The following PSD3 variants were observed in gnomAD, a reference collection of about 807,000 sequenced individuals.
PSD3 encodes pleckstrin and Sec7 domain containing 3, also known as PH and SEC7 domain-containing protein 3.
PSD3 carries 49 observed loss-of-function variants against 105.5 expected under a neutral mutation model. The observed-to-expected ratio is 0.46, with a 90% confidence interval of 0.37 to 0.59. The LOEUF (loss-of-function observed/expected upper bound fraction) is 0.59, where lower values mean the gene tolerates loss of function less well. Ranked by LOEUF, PSD3 falls within the 20% of genes least tolerant of loss-of-function variation. PSD3 has a pLI of 0.00. For synonymous variants in PSD3, 557 were observed against 457.8 expected (o/e 1.22, Z -2.77); for missense variants, 1,561 against 1,263.8 (o/e 1.24, Z -3.57).
At chr8:18,859,731 T>C (rs1161491729) in intron 4 of PSD3, among the ~76,000 whole-genome samples, 2 of 152,186 alleles carry the variant, frequency 1.3e-5, no homozygotes, top group Non-Finnish European at 2.9e-5. Flanking sequence ...GCTTCCAGCT[T>C]TTTGGCTGCA....
chr8:18,591,765 G>A (rs73582026), intron 12 of PSD3, among the ~76,000 whole-genome samples: 1 of 152,134 alleles, frequency 6.6e-6, no homozygotes, highest in Non-Finnish European at 1.5e-5. Context: ...CTGATTCAGG[G>A]AACTGATGGC....
intron 9 of PSD3, among the ~76,000 whole-genome samples, chr8:18,656,202 C>T (rs539095243): frequency 3.3e-5 from 5 of 152,178 alleles, no homozygotes; most frequent in East Asian, 1.9e-4. Flanking sequence ...GGATTACAGG[C>T]GTGTGCCACC....
At chr8:19,038,182 T>A (rs2129476576) in intron 1 of PSD3, among the ~76,000 whole-genome samples, 1 of 152,204 alleles carries the variant, frequency 6.6e-6, no homozygotes, top group Non-Finnish European at 1.5e-5. Flanking sequence ...AAGCTCTTAA[T>A]AAGCTGGGCT....
At chr8:18,589,381 C>T (rs1225414002) in intron 12 of PSD3, among the ~76,000 whole-genome samples, 1 of 152,138 alleles carries the variant, frequency 6.6e-6, no homozygotes, top group African/African-American at 2.4e-5. Flanking sequence ...ACTTTGTGAT[C>T]TTTGGGTTTC....
chr8:18,912,145 G>C (rs145998511), intron 2 of PSD3, among the ~76,000 whole-genome samples: 7,933 of 152,194 alleles, frequency 0.052, 213 homozygotes, highest in Admixed American at 0.082. Flanking sequence ...CATCTGAGAA[G>C]TTTTTGCCAT....
intron 2 of PSD3, among the ~76,000 whole-genome samples, chr8:18,877,908 G>T (rs1817841644): frequency 6.6e-6 from 1 of 152,162 alleles, no homozygotes; most frequent in Non-Finnish European, 1.5e-5. Flanking sequence ...GTGAAATCTG[G>T]AAGTGTGAGT....
chr8:18,841,015 T>C (rs1205215382), intron 4 of PSD3, among the ~76,000 whole-genome samples: 1 of 152,222 alleles, frequency 6.6e-6, no homozygotes, highest in African/African-American at 2.4e-5. Flanking sequence ...GTTATTAGAA[T>C]ATCATGCTCT....
chr8:19,013,526 G>A (rs1389179904), intron 1 of PSD3, 37 bp downstream of exon 1: 1 of 1,577,296 alleles, frequency 6.3e-7, no homozygotes, highest in South Asian at 1.1e-5. Context: ...GGCGCCGCGT[G>A]CGCACCCCGC....
At chr8:18,638,317 C>G (rs1807415266) in intron 10 of PSD3, among the ~76,000 whole-genome samples, 1 of 134,654 alleles carries the variant, frequency 7.4e-6, no homozygotes, top group African/African-American at 2.9e-5. Context: ...TTAGGCTGAG[C>G]AATTAGGCAA....
In PSD3 at chr8:18,628,949, A is replaced by T. The variant is rs906412286; in HGVS notation, c.2410+3664T>A. Among the ~76,000 whole-genome samples, 3 of 151,994 alleles carry T rather than the reference A, an allele frequency of 2.0e-5. No individual in the cohort carries two copies. The South Asian group carries it at 6.2e-4, about 31-fold the overall frequency. ...GGCAGATTTAAAGTCAACTATACTA[A>T]TAACTACTATAAATGTAAATGGTAT... On this transcript the variant is annotated intron_variant, in intron 11 of 15. Coordinates refer to ENST00000327040, the MANE Select transcript of PSD3 (RefSeq NM_015310.4).
chr8:18,991,159 A>G (rs1825769377), intron 1 of PSD3, among the ~76,000 whole-genome samples: 1 of 152,192 alleles, frequency 6.6e-6, no homozygotes, highest in South Asian at 2.1e-4. Context: ...CGTGGAGATT[A>G]GCAAGTCAAA....
chr8:19,010,282 G>A (rs955659780), intron 1 of PSD3, among the ~76,000 whole-genome samples: 5 of 152,144 alleles, frequency 3.3e-5, no homozygotes, highest in Non-Finnish European at 5.9e-5. Context: ...CCACCTCTGT[G>A]CCCTGATGTG....
intron 1 of PSD3, among the ~76,000 whole-genome samples, chr8:19,033,371 C>A (rs1031145291): frequency 4.6e-5 from 7 of 152,078 alleles, no homozygotes; most frequent in East Asian, 1.9e-4. Flanking sequence ...CAGCTAACAG[C>A]AAACTGGTAT....
chr8:18,853,423 T>A (rs951723937), intron 4 of PSD3, among the ~76,000 whole-genome samples: 2 of 152,092 alleles, frequency 1.3e-5, no homozygotes, highest in Non-Finnish European at 2.9e-5. Flanking sequence ...ATCAACGGAC[T>A]AGGCTCAATT....
At chr8:18,771,985 T>C (rs575348813) in intron 8 of PSD3, among the ~76,000 whole-genome samples, 1 of 152,372 alleles carries the variant, frequency 6.6e-6, no homozygotes, top group Admixed American at 6.5e-5. Context: ...TCATATTTTT[T>C]CTTTTTGTGA....
intron 9 of PSD3, among the ~76,000 whole-genome samples, chr8:18,680,325 T>C (rs1800311791): frequency 6.6e-6 from 1 of 152,182 alleles, no homozygotes; most frequent in African/African-American, 2.4e-5. Context: ...GCTGATTGTA[T>C]TCTACTTTTA....
At chr8:18,882,328 C>T (rs4529500) in intron 2 of PSD3, among the ~76,000 whole-genome samples, 26,265 of 152,102 alleles carry the variant, frequency 0.17, 2,252 homozygotes, top group South Asian at 0.28. Flanking sequence ...GCTTCTAAGT[C>T]CAGGCTTGAA....
intron 9 of PSD3, among the ~76,000 whole-genome samples, chr8:18,702,311 T>G (rs1271600381): frequency 2.6e-5 from 4 of 152,230 alleles, no homozygotes; most frequent in African/African-American, 9.6e-5. Flanking sequence ...TTGGTGTGTG[T>G]TTATGTACAT....
At chr8:18,691,227 T>A (rs1800957783) in intron 9 of PSD3, among the ~76,000 whole-genome samples, 1 of 152,180 alleles carries the variant, frequency 6.6e-6, no homozygotes, top group African/African-American at 2.4e-5. Context: ...GTTAAACAGT[T>A]TTGAACCTGG....
Sources: gnomAD v4.1 joint callset for allele counts (sites outside exome capture counted in the v4.1 genomes callset) on GRCh38, gnomAD v4.1.1 for gene constraint, MANE v1.5 for transcripts, NCBI Gene and HGNC (gene_info 2026-07-23, HGNC 2026-07-21) for gene names.